Variants in NOLC1 observed in about 807,000 individuals in gnomAD.
NOLC1 encodes 140 kDa nucleolar phosphoprotein.
NOLC1 carries 37 observed loss-of-function variants against 73.4 expected under a neutral mutation model. The observed-to-expected ratio is 0.50, with a 90% CI of 0.39 to 0.66. NOLC1 has a LOEUF of 0.66. Ranked by LOEUF, NOLC1 falls within the 30% of genes least tolerant of loss-of-function variation. NOLC1 has a pLI of 0.00. For synonymous variants in NOLC1, 327 were observed against 302.6 expected (o/e 1.08, Z -0.84); for missense variants, 921 against 838.9 (o/e 1.10, Z -1.21).
Position 102,162,251 on chromosome 10 carries a change from T to C in NOLC1, c.2082T>C (p.Ile694=). The C allele has an allele frequency of 3.1e-6, 5 of 1,614,022 alleles. No homozygotes were observed. Among genetic ancestry groups the C allele is most frequent in the East Asian group, 2.2e-5 (1 of 44,864 alleles). ...GGSISVQVNS[I]KFDSE ...CAATCTCTGTCCAGGTCAATTCTATTAAGTTTGACAGCGAGTGACCTGAGG... is the reference window on the plus strand; with the variant it reads ...CAATCTCTGTCCAGGTCAATTCTATCAAGTTTGACAGCGAGTGACCTGAGG... The change falls in exon 13 of 13, where the codon ATT becomes ATC. Residue 694 remains isoleucine, a synonymous_variant. Transcript: ENST00000605788.
At chr10:102,153,672 C>CTTTTTTT (rs56074108) in intron 1 of NOLC1, among the ~76,000 whole-genome samples, 1 of 88,192 alleles carries the variant, frequency 1.1e-5, no homozygotes, top group African/African-American at 3.9e-5. Context: ...AATTAGGATT[C>CTTTTTTT]TTTTTTTTTT....
intron 11 of NOLC1, 22 bp from the exon 12 acceptor site, chr10:102,161,811 T>A (rs1490454725): frequency 6.2e-7 from 1 of 1,610,410 alleles, no homozygotes; most frequent in Non-Finnish European, 8.5e-7. Flanking sequence ...TGTCTTTAAT[T>A]TCCTACTTCA....
chr10:102,157,304 C>A lies in NOLC1; in HGVS notation c.292C>A (p.Gln98Lys). Residue 98 changes from glutamine (Q) to lysine (K), a missense_variant, in exon 3 of 13, where the codon CAA becomes AAA. Gln to Lys is a moderately conservative substitution (Grantham distance 53). Transcript: ENST00000605788. ...CAGCAGCGAGGAGGAGGAGGAAGTT[C>A]AAGGGCCTCCAGCAAAGAAGGCTGG... ...EDSSEEEEEV[Q>K]GPPAKKAAVP... The A allele has an allele frequency of 6.2e-7, 1 of 1,614,074 alleles. No individual in the cohort carries two copies. Among genetic ancestry groups the A allele is most frequent in the Non-Finnish European group, 8.5e-7 (1 of 1,179,982 alleles).
intron 4 of NOLC1, 90 bp from the exon 5 acceptor site, chr10:102,157,959 A>T: frequency 1.7e-6 from 2 of 1,191,974 alleles, no homozygotes; most frequent in Non-Finnish European, 2.4e-6. Context: ...TTACTGCTCC[A>T]TTAGGCCCCT....
rs142011703 is a variant in NOLC1, at chr10:102,152,426, A to G, written c.16A>G (p.Ile6Val). Reference protein sequence around the residue: MADAGIRRVVPSDLYP... With the variant: MADAGVRRVVPSDLYP... The stretch of plus-strand genomic sequence containing the variant: ...TGCCTGGAGGATGGCGGACGCCGGC[A>G]TTCGCCGCGTGGTTCCCAGCGACCT... The change falls in exon 1 of 13, where the codon ATT becomes GTT. Residue 6 changes from isoleucine (I) to valine (V), a missense_variant. Ile to Val is a conservative substitution (Grantham distance 29). Transcript: ENST00000605788. 1.7e-5 allele frequency: 27 copies of G among 1,611,446 alleles called. No homozygotes were observed. Among genetic ancestry groups the G allele is most frequent in the East Asian group, 2.2e-5 (1 of 44,886 alleles).
At position 102,162,615 on chromosome 10, in the gene NOLC1, T is replaced by G; in HGVS notation, c.*346T>G. The G allele has an allele frequency of 6.1e-6, 1 of 162,826 alleles. No individual in the cohort carries two copies. Among genetic ancestry groups the G allele is most frequent in the Non-Finnish European group, 1.3e-5 (1 of 75,014 alleles). 10.1% of individuals were successfully genotyped at this position (162,826 alleles called of 1,614,324 possible). On this transcript the variant is annotated 3_prime_UTR_variant, in exon 13 of 13. Coordinates refer to ENST00000605788, the MANE Select transcript of NOLC1 (RefSeq NM_004741.5). Reference sequence around the variant, plus strand: ...CTTACTATTGATTTTTGTTGTGATTTTCAAAGGTGGATTCCCACAGATAAA... The same window carrying G: ...CTTACTATTGATTTTTGTTGTGATTGTCAAAGGTGGATTCCCACAGATAAA...
intron 10 of NOLC1, 60 bp downstream of exon 10, chr10:102,161,153 C>G: frequency 6.6e-7 from 1 of 1,505,514 alleles, no homozygotes; most frequent in Non-Finnish European, 8.8e-7. Context: ...ATGGGATATA[C>G]TCTTTGAGAG....
At position 102,159,702 on chromosome 10, in the gene NOLC1, A is replaced by C. The variant is rs940405177; in HGVS notation, c.859+134A>C. ...TAGCTTCTCCGAGCACTAGTGATCC[A>C]GGAAAGCAAGGAGAAATCTCCAGTG... On this transcript the variant is annotated intron_variant, in intron 7 of 12. Transcript: ENST00000605788. 3.7e-5 allele frequency: 41 copies of C among 1,122,800 alleles called. No individual in the cohort carries two copies. The African/African-American group carries it at 6.3e-4, about 17-fold the overall frequency. The allele number at this position is 1,122,800 out of a possible 1,614,324, so 69.6% of individuals were successfully genotyped here.
At chr10:102,158,327 G>A (rs1011793584) in intron 5 of NOLC1, 113 bp downstream of exon 5, 2 of 765,772 alleles carry the variant, frequency 2.6e-6, no homozygotes, top group Non-Finnish European at 4.0e-6. Context: ...TGAACTGGAG[G>A]TGTTGATTAC....
intron 5 of NOLC1, among the ~76,000 whole-genome samples, chr10:102,158,961 G>C (rs575406924): frequency 6.6e-6 from 1 of 151,440 alleles, no homozygotes; most frequent in African/African-American, 2.4e-5. Context: ...TGGGCATGGT[G>C]GTGGGCACCT....
chr10:102,154,685 C>T (rs888913514), intron 1 of NOLC1, among the ~76,000 whole-genome samples: 4 of 152,052 alleles, frequency 2.6e-5, no homozygotes, highest in Admixed American at 6.6e-5. Context: ...CCCGCCTCCA[C>T]GCCCAGCTTA....
chr10:102,160,721 C>G lies in NOLC1; in HGVS notation c.1369C>G (p.Leu457Val). The G allele has an allele frequency of 1.9e-6, 3 of 1,614,132 alleles. No individual in the cohort carries two copies. Among genetic ancestry groups the G allele is most frequent in the Non-Finnish European group, 2.5e-6 (3 of 1,179,968 alleles). The change falls in exon 10 of 13, where the codon CTG becomes GTG. Residue 457 changes from leucine to valine, a missense_variant. Transcript: ENST00000605788. ...PKATAKAALSLPAKQAPQGSR... is the reference protein window; with the variant it reads ...PKATAKAALSVPAKQAPQGSR... Reference sequence around the variant, plus strand: ...GGCGACTGCCAAAGCAGCTCTATCTCTGCCTGCCAAGCAGGCTCCTCAGGG... The same window carrying G: ...GGCGACTGCCAAAGCAGCTCTATCTGTGCCTGCCAAGCAGGCTCCTCAGGG...
intron 1 of NOLC1, among the ~76,000 whole-genome samples, chr10:102,154,438 C>T (rs561637765): frequency 1.3e-5 from 2 of 152,090 alleles, no homozygotes; most frequent in South Asian, 4.2e-4. Context: ...AGTATTATCT[C>T]CATTTTATAG....
chr10:102,155,877 G>A (rs1013912429), intron 1 of NOLC1, among the ~76,000 whole-genome samples: 4 of 150,230 alleles, frequency 2.7e-5, no homozygotes, highest in African/African-American at 9.8e-5. Context: ...TTTTTTTTGA[G>A]ACAGAGTCTT....
intron 10 of NOLC1, 151 bp from the exon 11 acceptor site, chr10:102,161,405 A>T: frequency 1.5e-6 from 1 of 651,408 alleles, no homozygotes; most frequent in Non-Finnish European, 2.6e-6. Context: ...TCATTTTTTT[A>T]ACTTTTTATA....
In NOLC1 at chr10:102,161,629, T is replaced by A. The variant is rs748952810; in HGVS notation, c.1815T>A (p.Leu605=). The A allele has an allele frequency of 1.2e-6, 2 of 1,613,864 alleles. No individual in the cohort carries two copies. The highest frequency in any genetic ancestry group is 1.3e-5 in the African/African-American group (1 of 74,902). ...CTCCTCAGGCCAAGAAGATAAAGCT[T>A]CAGACCCCTAACACATTTCCAAAAA... The part of the protein sequence containing the change: ...AETPQAKKIK[L]QTPNTFPKRK... Residue 605 remains leucine (L), a synonymous_variant, in exon 11 of 13, where the codon CTT becomes CTA. Transcript: ENST00000605788.
At position 102,160,813 on chromosome 10, in the gene NOLC1, G is replaced by A; in HGVS notation, c.1461G>A (p.Lys487=). The change falls in exon 10 of 13, where the codon AAG becomes AAA. Residue 487 remains lysine (K), a synonymous_variant. Coordinates refer to ENST00000605788, the MANE Select transcript of NOLC1 (RefSeq NM_004741.5). Reference sequence around the variant, plus strand: ...AGGAGGAGGAAGAGAAGACATCTAAGTCTGCAGTTAAGAAGAAGCCACAGA... The same window carrying A: ...AGGAGGAGGAAGAGAAGACATCTAAATCTGCAGTTAAGAAGAAGCCACAGA... ...SSEEEEEKTS[K]SAVKKKPQKV... 6.2e-7 allele frequency: 1 copy of A among 1,614,244 alleles called. No individual in the cohort carries two copies. Among genetic ancestry groups the A allele is most frequent in the Non-Finnish European group, 8.5e-7 (1 of 1,180,050 alleles).
chr10:102,161,610 A>G lies in NOLC1; in HGVS notation c.1796A>G (p.Gln599Arg). Reference sequence around the variant, plus strand: ...GCTGCCAAGGAGGCAGAGACTCCTCAGGCCAAGAAGATAAAGCTTCAGACC... The same window carrying G: ...GCTGCCAAGGAGGCAGAGACTCCTCGGGCCAAGAAGATAAAGCTTCAGACC... ...NEAAKEAETP[Q>R]AKKIKLQTPN... is the part of the protein sequence containing the mutation. Residue 599 changes from glutamine to arginine, a missense_variant, in exon 11 of 13, where the codon CAG becomes CGG. Gln to Arg is a conservative substitution (Grantham distance 43). Coordinates refer to ENST00000605788, the MANE Select transcript of NOLC1 (RefSeq NM_004741.5). 6.2e-7 allele frequency: 1 copy of G among 1,614,110 alleles called. No homozygotes were observed. The highest frequency in any genetic ancestry group is 8.5e-7 in the Non-Finnish European group (1 of 1,179,980).
chr10:102,155,415 GT>G lies in NOLC1; in HGVS notation c.121-1603del, dbSNP rs1196272146. ...AAAAGAGAGAGAGAGAGAGATGGAG[GT>G]CTCACTGTCTTGCCCAGGCTGGTCT... On this transcript the variant is annotated intron_variant, in intron 1 of 12. Transcript: ENST00000605788. Among the ~76,000 whole-genome samples the G allele has an allele frequency of 2.6e-5, 4 of 151,340 alleles. No homozygotes were observed. The East Asian group carries it at 5.8e-4, about 22-fold the overall frequency.
Sources: allele counts gnomAD v4.1 joint callset (sites outside exome capture counted in the v4.1 genomes callset), GRCh38; gene constraint gnomAD v4.1.1; transcripts MANE v1.5; gene names NCBI Gene and HGNC (gene_info 2026-07-23, HGNC 2026-07-21).